Variants in EFCAB14 observed in about 807,000 individuals in gnomAD.
EFCAB14 encodes EF-hand calcium binding domain 14, also known as EF-hand calcium-binding domain-containing protein 14.
EFCAB14 carries 43 observed loss-of-function variants against 56.5 expected under a neutral mutation model. The observed-to-expected ratio is 0.76, with a 90% CI of 0.60 to 0.98. The LOEUF (loss-of-function observed/expected upper bound fraction) is 0.98. EFCAB14 is among the 50% of genes least tolerant of loss of function. EFCAB14 has a pLI of 0.00. For missense variants in EFCAB14, 538 were observed against 580.3 expected, an observed-to-expected ratio of 0.93 and a Z score of 0.75; for synonymous variants, 235 against 212.9, an observed-to-expected ratio of 1.10 and a Z score of -0.90.
chr1:46,716,251 A>AC, intron 2 of EFCAB14, 44 bp downstream of exon 2: 1 of 350,750 alleles, frequency 2.9e-6, no homozygotes, highest in Non-Finnish European at 3.7e-6. Flanking sequence ...CCTGTCTCAA[A>AC]AAAAAAAAAA....
In EFCAB14 at chr1:46,678,483, AGC is replaced by A; in HGVS notation, c.1464_1465del (p.Glu488AspfsTer15). ...AAGCTAGATACCTAAAGCTACCCTT[AGC>A]TCCAGGAATGAGTATCTTCCATCTC... On this transcript the variant is annotated frameshift_variant, in exon 11 of 11. Coordinates refer to ENST00000371933, the MANE Select transcript of EFCAB14 (RefSeq NM_014774.3). LOFTEE classifies it high-confidence loss of function. 1 of 1,614,174 alleles carries A rather than the reference AGC, an allele frequency of 6.2e-7. No homozygotes were observed. Among genetic ancestry groups the A allele is most frequent in the South Asian group, 1.1e-5 (1 of 91,090 alleles).
At chr1:46,713,152 G>A (rs1409101559) in intron 2 of EFCAB14, among the ~76,000 whole-genome samples, 1 of 151,150 alleles carries the variant, frequency 6.6e-6, no homozygotes, top group Non-Finnish European at 1.5e-5. Flanking sequence ...TAACTCCTAA[G>A]TAGTCTATGA....
At chr1:46,703,865 A>C (rs976069651) in intron 3 of EFCAB14, among the ~76,000 whole-genome samples, 3 of 152,216 alleles carry the variant, frequency 2.0e-5, no homozygotes, top group African/African-American at 7.2e-5. Flanking sequence ...CCACAAGTAT[A>C]GATTTTGAGA....
At chr1:46,697,870 T>G (rs1346389154) in intron 3 of EFCAB14, among the ~76,000 whole-genome samples, 2 of 151,394 alleles carry the variant, frequency 1.3e-5, no homozygotes, top group Non-Finnish European at 2.9e-5. Flanking sequence ...TTTTTTTTTT[T>G]TGAGACAGTC....
At chr1:46,692,811 T>C (rs184666497) in intron 4 of EFCAB14, among the ~76,000 whole-genome samples, 2 of 152,258 alleles carry the variant, frequency 1.3e-5, no homozygotes, top group African/African-American at 4.8e-5. Flanking sequence ...AACAGGACTC[T>C]TTCTCTATCA....
chr1:46,679,007 C>G (rs1407634935), intron 10 of EFCAB14, among the ~76,000 whole-genome samples: 2 of 152,302 alleles, frequency 1.3e-5, no homozygotes, highest in Admixed American at 6.5e-5. Flanking sequence ...CTCATCTTCT[C>G]TCTGTCCAGC....
chr1:46,707,837 T>A (rs1474093122), intron 3 of EFCAB14, 69 bp downstream of exon 3: 2 of 1,483,154 alleles, frequency 1.3e-6, no homozygotes, highest in East Asian at 4.6e-5. Context: ...CAATTCTCTA[T>A]ATCCTATTCA....
intron 7 of EFCAB14, among the ~76,000 whole-genome samples, chr1:46,688,128 G>A (rs940017066): frequency 7.9e-5 from 12 of 152,076 alleles, no homozygotes; most frequent in Admixed American, 2.6e-4. Flanking sequence ...TAAGCGACTC[G>A]ACCTCTCCGC....
At chr1:46,697,644 C>T (rs1412730988) in intron 3 of EFCAB14, among the ~76,000 whole-genome samples, 1 of 152,094 alleles carries the variant, frequency 6.6e-6, no homozygotes, top group Non-Finnish European at 1.5e-5. Flanking sequence ...AAAACAGAAC[C>T]TGATTCCCTA....
At chr1:46,703,571 T>C (rs1048210751) in intron 3 of EFCAB14, among the ~76,000 whole-genome samples, 1 of 152,136 alleles carries the variant, frequency 6.6e-6, no homozygotes, top group Non-Finnish European at 1.5e-5. Context: ...AACACATGTA[T>C]TTTTTCCATA....
In EFCAB14 at chr1:46,718,727, T is replaced by C. The variant is rs1213670816; in HGVS notation, c.-640A>G. 1 of 152,220 alleles carries C rather than the reference T, an allele frequency of 6.6e-6. No homozygotes were observed. Among genetic ancestry groups the C allele is most frequent in the Non-Finnish European group, 1.5e-5 (1 of 68,124 alleles). 9.4% of individuals were successfully genotyped at this position (152,220 alleles called of 1,614,324 possible). ...GGAAGCCGGCTGGGGTGTGTGATGA[T>C]CACCGTTCTCCGGCCTCCGTCCTGA... On this transcript the variant is annotated 5_prime_UTR_variant, in exon 1 of 11. Transcript: ENST00000371933.
chr1:46,687,884 T>C (rs1676912310), intron 7 of EFCAB14, among the ~76,000 whole-genome samples: 2 of 152,120 alleles, frequency 1.3e-5, no homozygotes, highest in Admixed American at 6.5e-5. Flanking sequence ...ACGCAAAAGG[T>C]TCCCCTTAAT....
intron 2 of EFCAB14, among the ~76,000 whole-genome samples, chr1:46,712,029 T>A (rs112344681): frequency 2.1e-4 from 32 of 152,322 alleles, no homozygotes; most frequent in African/African-American, 7.5e-4. Context: ...TACATCTTTA[T>A]GTTTTATAGA....
Position 46,718,251 on chromosome 1 carries a change from G to T in EFCAB14, c.-164C>A. On this transcript the variant is annotated 5_prime_UTR_variant, in exon 1 of 11. Coordinates refer to ENST00000371933, the MANE Select transcript of EFCAB14 (RefSeq NM_014774.3). Reference sequence around the variant, plus strand: ...GGTGGGACTGACCAGATCCGCCAGGGACTGGAGATTGGAGCCCAGAGGAAA... The same window carrying T: ...GGTGGGACTGACCAGATCCGCCAGGTACTGGAGATTGGAGCCCAGAGGAAA... 1 of 624,632 alleles carries T rather than the reference G, an allele frequency of 1.6e-6. No homozygotes were observed. 38.7% of individuals were successfully genotyped at this position (624,632 alleles called of 1,614,324 possible).
chr1:46,678,219 C>T lies in EFCAB14; in HGVS notation c.*242G>A. The T allele has an allele frequency of 2.9e-6, 1 of 339,308 alleles. No homozygotes were observed. Among genetic ancestry groups the T allele is most frequent in the Non-Finnish European group, 5.2e-6 (1 of 191,232 alleles). The allele number at this position is 339,308 out of a possible 1,614,324, so 21.0% of individuals were successfully genotyped here. On this transcript the variant is annotated 3_prime_UTR_variant, in exon 11 of 11. Coordinates refer to ENST00000371933, the MANE Select transcript of EFCAB14 (RefSeq NM_014774.3). ...AAGAGGGCTTTAATTTTTTTTCTGG[C>T]AATTTTAAAATGTAAGATCTTACTG...
chr1:46,688,728 T>C (rs1676929894), intron 6 of EFCAB14, among the ~76,000 whole-genome samples, 184 bp from the exon 7 acceptor site: 1 of 152,190 alleles, frequency 6.6e-6, no homozygotes, highest in East Asian at 1.9e-4. Context: ...TTGGAATTGT[T>C]TGGCCTCAGC....
In EFCAB14 at chr1:46,718,074, T is replaced by C. The variant is rs747767522; in HGVS notation, c.14A>G (p.Lys5Arg). 27 of 1,613,868 alleles carry C rather than the reference T, an allele frequency of 1.7e-5. No individual in the cohort carries two copies. In the Admixed American group the frequency reaches 2.0e-4, roughly 12 times the overall value. Residue 5 changes from lysine to arginine, a missense_variant, in exon 1 of 11, where the codon AAA becomes AGA. Lys to Arg is a conservative substitution (Grantham distance 26). Coordinates refer to ENST00000371933, the MANE Select transcript of EFCAB14 (RefSeq NM_014774.3). MKKR[K>R]ELNALIGLAG... ...CAAACCAATCAATGCATTGAGCTCT[T>C]TGCGCTTTTTCATCTTTTTGTGTGG...
chr1:46,694,298 A>G (rs1198828383), intron 4 of EFCAB14, among the ~76,000 whole-genome samples: 1 of 152,254 alleles, frequency 6.6e-6, no homozygotes, highest in African/African-American at 2.4e-5. Flanking sequence ...GGCAACCTAC[A>G]GAATGGAAGA....
chr1:46,690,527 GGA>G (rs1046926313), intron 5 of EFCAB14, among the ~76,000 whole-genome samples: 5 of 152,150 alleles, frequency 3.3e-5, no homozygotes, highest in African/African-American at 9.7e-5. Context: ...GAGAAAAGGA[GGA>G]GAGAAGGAGG....
Sources: gnomAD v4.1 joint callset for allele counts (sites outside exome capture counted in the v4.1 genomes callset) on GRCh38, gnomAD v4.1.1 for gene constraint, MANE v1.5 for transcripts, NCBI Gene and HGNC (gene_info 2026-07-23, HGNC 2026-07-21) for gene names.